PLXNA4: variants seen among roughly 807,000 people sequenced by gnomAD.
The protein encoded by PLXNA4 is plexin-A4.
Under a neutral mutation model 191.8 loss-of-function variants are expected in PLXNA4, and 44 were observed. That is an observed-to-expected ratio of 0.23 (90% CI 0.18 to 0.29). PLXNA4 has a LOEUF of 0.29. Ranked by LOEUF, PLXNA4 falls within the 10% of genes least tolerant of loss-of-function variation. PLXNA4 has a pLI of 1.00. For missense variants in PLXNA4, 1,800 were observed against 2,488.8 expected (o/e 0.72, Z 5.89); for synonymous variants, 1,082 against 1,009.5 (o/e 1.07, Z -1.36).
At chr7:132,563,799 C>A (rs1801526060) in intron 1 of PLXNA4, among the ~76,000 whole-genome samples, 1 of 100,534 alleles carries the variant, frequency 9.9e-6, no homozygotes, top group South Asian at 5.1e-4. Flanking sequence ...TCCTTCTCCT[C>A]CTCCTTCTCC....
intron 1 of PLXNA4, among the ~76,000 whole-genome samples, chr7:132,562,425 A>C (rs1253179853): frequency 0.098 from 3,238 of 32,998 alleles, 2 homozygotes; most frequent in African/African-American, 0.11. Context: ...TCCTTCTCCT[A>C]CTCCTTTTCC....
At chr7:132,349,538 T>C (rs1268221821) in intron 3 of PLXNA4, among the ~76,000 whole-genome samples, 1 of 152,194 alleles carries the variant, frequency 6.6e-6, no homozygotes, top group Non-Finnish European at 1.5e-5. Context: ...ATTGATCATA[T>C]TTGGAAAGGC....
intron 14 of PLXNA4, among the ~76,000 whole-genome samples, chr7:132,189,025 A>G (rs918476114): frequency 0.029 from 2,684 of 93,658 alleles, 111 homozygotes; most frequent in African/African-American, 0.076. Context: ...AGAGAGAGAG[A>G]GAGAAAGAGA....
Position 132,168,531 on chromosome 7 carries a change from C to G in PLXNA4, c.4059G>C (p.Lys1353Asn). 2.5e-6 allele frequency: 4 copies of G among 1,607,376 alleles called. No individual in the cohort carries two copies. Among genetic ancestry groups the G allele is most frequent in the Non-Finnish European group, 3.4e-6 (4 of 1,176,054 alleles). ...YRQERVEKGLKLFAQLINNKV... is the reference protein window; with the variant it reads ...YRQERVEKGLNLFAQLINNKV... ...TGTTGTTGATGAGCTGGGCGAAGAG[C>G]TTCAGGCCTTTCTCCACACGCTCCT... The change falls in exon 22 of 32, where the codon AAG (lysine) becomes AAC (asparagine). Residue 1353 changes from lysine to asparagine, a missense_variant. Lys to Asn is a moderately conservative substitution (Grantham distance 94). Around this residue, in one of 6 missense-constraint regions of PLXNA4, gnomAD observed 1,397 missense variants for 1,880.4 expected, o/e 0.74. Coordinates refer to ENST00000321063, the MANE Select transcript of PLXNA4 (RefSeq NM_020911.2).
intron 4 of PLXNA4, among the ~76,000 whole-genome samples, chr7:132,268,920 G>A (rs555130388): frequency 3.0e-4 from 46 of 152,290 alleles, no homozygotes; most frequent in African/African-American, 1.0e-3. Flanking sequence ...AAGGGGACAC[G>A]GTAGCACTTC....
chr7:132,495,290 G>A (rs2117569675), intron 2 of PLXNA4, among the ~76,000 whole-genome samples: 1 of 152,296 alleles, frequency 6.6e-6, no homozygotes, highest in South Asian at 2.1e-4. Context: ...AGAGCTCAAT[G>A]GCCCAAATGC....
chr7:132,612,555 T>C (rs1803072317), intron 2 of PLXNA4, among the ~76,000 whole-genome samples: 1 of 151,142 alleles, frequency 6.6e-6, no homozygotes, highest in African/African-American at 2.4e-5. Flanking sequence ...TCCCACCTAC[T>C]TGGGAAGCTG....
At chr7:132,555,067 A>AAAAACAAAAAAAAAC (rs368280781) in intron 1 of PLXNA4, among the ~76,000 whole-genome samples, 6 of 151,772 alleles carry the variant, frequency 4.0e-5, no homozygotes, top group East Asian at 3.9e-4. Flanking sequence ...CAAAAAAAAA[A>AAAAACAAAAAAAAAC]CAGTAACCAT....
intron 3 of PLXNA4, among the ~76,000 whole-genome samples, chr7:132,398,354 T>C (rs935048213): frequency 1.3e-5 from 2 of 152,196 alleles, no homozygotes; most frequent in Admixed American, 6.5e-5. Context: ...CCCTGCTGAG[T>C]GTCCCGCTCT....
chr7:132,590,677 T>C (rs907575758), intron 2 of PLXNA4, among the ~76,000 whole-genome samples: 6 of 152,272 alleles, frequency 3.9e-5, no homozygotes, highest in Admixed American at 2.0e-4. Context: ...TGGCAGCTGA[T>C]TAGCTGGTAC....
chr7:132,343,954 T>A (rs574869107), intron 3 of PLXNA4, among the ~76,000 whole-genome samples: 71 of 152,290 alleles, frequency 4.7e-4, no homozygotes, highest in African/African-American at 1.7e-3. Flanking sequence ...AAGCAGGTAC[T>A]ACCTCTCTGA....
intron 4 of PLXNA4, among the ~76,000 whole-genome samples, chr7:132,264,905 C>T (rs1372467970): frequency 5.3e-5 from 8 of 152,064 alleles, no homozygotes; most frequent in African/African-American, 1.4e-4. Flanking sequence ...ACCATGTTGG[C>T]CAGGCTGGTC....
chr7:132,472,955 G>A (rs1796985715), intron 3 of PLXNA4, among the ~76,000 whole-genome samples: 1 of 152,246 alleles, frequency 6.6e-6, no homozygotes, highest in African/African-American at 2.4e-5. Flanking sequence ...CGTTTGAGAT[G>A]AGTGACAAAC....
chr7:132,577,733 C>G (rs546889241), upstream of PLXNA4, among the ~76,000 whole-genome samples: 1 of 152,302 alleles, frequency 6.6e-6, no homozygotes, highest in African/African-American at 2.4e-5. Flanking sequence ...GGCGCTCAGC[C>G]GCCTCGGAAT....
At chr7:132,201,435 G>A (rs1797430188) in intron 12 of PLXNA4, among the ~76,000 whole-genome samples, 1 of 152,198 alleles carries the variant, frequency 6.6e-6, no homozygotes, top group Non-Finnish European at 1.5e-5. Context: ...GACTGTGCCT[G>A]CCACTGTTAA....
chr7:132,280,054 T>TTC (rs1800422751), intron 4 of PLXNA4, among the ~76,000 whole-genome samples: 1 of 152,252 alleles, frequency 6.6e-6, no homozygotes, highest in African/African-American at 2.4e-5. Flanking sequence ...ATGGCCACTA[T>TTC]TCTATTCGAC....
intron 5 of PLXNA4, among the ~76,000 whole-genome samples, chr7:132,230,581 C>T (rs562476060): frequency 3.5e-3 from 531 of 152,306 alleles, no homozygotes; most frequent in South Asian, 0.015. Context: ...GCAACAAGAG[C>T]GTCTGCCTAA....
chr7:132,146,830 C>T (rs1052895346), intron 27 of PLXNA4, 130 bp from the exon 28 acceptor site: 3 of 1,495,268 alleles, frequency 2.0e-6, no homozygotes, highest in Admixed American at 2.2e-5. Context: ...TCGGTGCTGT[C>T]ACCTTGCCTT....
intron 2 of PLXNA4, among the ~76,000 whole-genome samples, chr7:132,605,769 T>A (rs547269630): frequency 6.6e-6 from 1 of 151,870 alleles, no homozygotes; most frequent in Admixed American, 6.6e-5. Context: ...GGGTGAACCC[T>A]AATCCAATAT....
Sources: gnomAD v4.1 joint callset for allele counts (sites outside exome capture counted in the v4.1 genomes callset) on GRCh38, gnomAD v4.1.1 for gene constraint, gnomAD v4.1.1 regional missense constraint, MANE v1.5 for transcripts, NCBI Gene and HGNC (gene_info 2026-07-23, HGNC 2026-07-21) for gene names.